CCDC66: variants seen among roughly 807,000 people sequenced by gnomAD.
The protein encoded by CCDC66 is coiled-coil domain containing 66.
A neutral mutation model predicts 128.3 loss-of-function variants in CCDC66; 133 were observed. The observed-to-expected ratio is 1.04, with a 90% CI of 0.90 to 1.20. The LOEUF (loss-of-function observed/expected upper bound fraction) is 1.20, where lower values mean the gene tolerates loss of function less well. CCDC66 is among the 50% of genes most tolerant of loss of function. The pLI is 0.00. For missense variants in CCDC66, 1,126 were observed against 1,075.5 expected (o/e 1.05, Z -0.66); for synonymous variants, 387 against 357.0 (o/e 1.08, Z -0.95).
At chr3:56,599,551 C>T (rs1397573331) in intron 10 of CCDC66, among the ~76,000 whole-genome samples, 2 of 151,996 alleles carry the variant, frequency 1.3e-5, no homozygotes, top group Non-Finnish European at 2.9e-5. Flanking sequence ...CCTCTTAGCA[C>T]TGCTTTTGCT....
intron 9 of CCDC66, 80 bp from the exon 10 acceptor site, chr3:56,593,864 T>C: frequency 6.3e-7 from 1 of 1,587,318 alleles, no homozygotes; most frequent in Non-Finnish European, 8.6e-7. Flanking sequence ...AATTAGTAGA[T>C]TTATCCCAAA....
intron 7 of CCDC66, 53 bp downstream of exon 7, chr3:56,571,355 G>T: frequency 8.6e-7 from 1 of 1,163,726 alleles, no homozygotes; most frequent in Non-Finnish European, 1.2e-6. Context: ...TCATATTATA[G>T]AATTTATTTT....
At chr3:56,560,915 A>G in intron 3 of CCDC66, 1 of 456,660 alleles carries the variant, frequency 2.2e-6, no homozygotes, top group South Asian at 1.5e-5. Context: ...ATGATGTACC[A>G]CTTTATCCTT....
chr3:56,582,849 T>TTTATTATTTTTATTA (rs2068656616), intron 7 of CCDC66, among the ~76,000 whole-genome samples: 1 of 134,888 alleles, frequency 7.4e-6, no homozygotes, highest in African/African-American at 2.7e-5. Flanking sequence ...CTCAACTTTC[T>TTTATTATTTTTATTA]TTATTATTAT....
At chr3:56,588,497 T>G (rs959129360) in intron 7 of CCDC66, among the ~76,000 whole-genome samples, 2 of 152,198 alleles carry the variant, frequency 1.3e-5, no homozygotes, top group African/African-American at 4.8e-5. Flanking sequence ...ACCCATTACT[T>G]TCAATGGCAA....
At chr3:56,612,013 C>T (rs535345482) in intron 10 of CCDC66, among the ~76,000 whole-genome samples, 1 of 152,192 alleles carries the variant, frequency 6.6e-6, no homozygotes, top group African/African-American at 2.4e-5. Context: ...TGCAGTTGAT[C>T]TATAGCTAAA....
chr3:56,616,037 T>C lies in CCDC66; in HGVS notation c.1827T>C (p.Asp609=), dbSNP rs141986703. 3.3e-4 allele frequency: 526 copies of C among 1,591,034 alleles called. No homozygotes were observed. The highest frequency in any genetic ancestry group is 8.4e-4 in the Middle Eastern group (5 of 5,970). The change falls in exon 13 of 18, where the codon GAT becomes GAC. Residue 609 remains aspartate (D), a synonymous_variant. Transcript: ENST00000394672. ...TGAATTCTACGACTTCTAAGAAGGATACTGGTGTGCAAACAGGTATTTGTG... is the reference window on the plus strand; with the variant it reads ...TGAATTCTACGACTTCTAAGAAGGACACTGGTGTGCAAACAGGTATTTGTG... ...TYMNSTTSKK[D]TGVQTDDLNI... is the part of the protein sequence containing the mutation.
At chr3:56,606,335 T>A (rs2074064897) in intron 10 of CCDC66, among the ~76,000 whole-genome samples, 1 of 151,946 alleles carries the variant, frequency 6.6e-6, no homozygotes, top group Non-Finnish European at 1.5e-5. Context: ...GAAAAAAAAC[T>A]CCTACAGTTA....
At chr3:56,618,404 C>T in intron 15 of CCDC66, 192 bp downstream of exon 15, 1 of 533,794 alleles carries the variant, frequency 1.9e-6, no homozygotes, top group South Asian at 3.0e-5. Flanking sequence ...CCAAGTTGGA[C>T]TGGGCCTAGG....
In CCDC66 at chr3:56,606,024, G is replaced by A. The variant is rs185440926; in HGVS notation, c.1405-7565G>A. On this transcript the variant is annotated intron_variant, in intron 10 of 17. Transcript: ENST00000394672. Reference sequence around the variant, plus strand: ...GGCCACAGCAGCCTTGCTGAGCTGCGGTGGGCTCTGCCCAGTTCGATCTTC... The same window carrying A: ...GGCCACAGCAGCCTTGCTGAGCTGCAGTGGGCTCTGCCCAGTTCGATCTTC... Among the ~76,000 whole-genome samples the A allele has an allele frequency of 1.1e-3, 170 of 152,154 alleles. 3 individuals carry two copies. The highest frequency in any genetic ancestry group is 4.0e-3 in the African/African-American group (164 of 41,438).
At chr3:56,607,051 A>C (rs1220427418) in intron 10 of CCDC66, among the ~76,000 whole-genome samples, 1 of 152,082 alleles carries the variant, frequency 6.6e-6, no homozygotes, top group Non-Finnish European at 1.5e-5. Flanking sequence ...GCGGCCTTAT[A>C]GTATAGTTTG....
chr3:56,580,274 C>T (rs2106643278), intron 7 of CCDC66, among the ~76,000 whole-genome samples: 1 of 151,896 alleles, frequency 6.6e-6, no homozygotes, highest in African/African-American at 2.4e-5. Context: ...AGATCTTCCT[C>T]CATCCCTTTA....
chr3:56,588,787 T>A (rs2070311255), intron 7 of CCDC66, among the ~76,000 whole-genome samples: 1 of 152,216 alleles, frequency 6.6e-6, no homozygotes. Context: ...AGTATACTTC[T>A]GACTGAAAGA....
In CCDC66 at chr3:56,619,982, T is replaced by C. The variant is rs909245177; in HGVS notation, c.2760+81T>C. ...GGGGAACCTGTTGAACGGTTTGTTT[T>C]AAGTTACTTCGGTGCATCCCAGGAT... On this transcript the variant is annotated intron_variant, in intron 17 of 17. Coordinates refer to ENST00000394672, the MANE Select transcript of CCDC66 (RefSeq NM_001141947.3). 1.6e-5 allele frequency: 23 copies of C among 1,460,420 alleles called. No homozygotes were observed. The South Asian group carries it at 3.1e-4, about 20-fold the overall frequency. The allele number at this position is 1,460,420 out of a possible 1,614,324, so 90.5% of individuals were successfully genotyped here. A position where few individuals can be genotyped will look rare whatever the true frequency, so the allele number is the denominator to read the frequency against.
intron 3 of CCDC66, chr3:56,561,518 A>G (rs758474763): frequency 2.5e-5 from 7 of 283,046 alleles, no homozygotes; most frequent in Non-Finnish European, 4.8e-5. Flanking sequence ...GTTGAGCCTA[A>G]ATTGTTTACT....
intron 10 of CCDC66, among the ~76,000 whole-genome samples, chr3:56,604,171 T>G (rs1176584410): frequency 6.6e-6 from 1 of 152,120 alleles, no homozygotes; most frequent in East Asian, 1.9e-4. Flanking sequence ...TATGTGTGTC[T>G]CTGCGTGTGA....
Position 56,617,618 on chromosome 3 carries a change from C to G in CCDC66, c.2337+13C>G. The G allele has an allele frequency of 6.3e-7, 1 of 1,579,436 alleles. No homozygotes were observed. Among genetic ancestry groups the G allele is most frequent in the South Asian group, 1.2e-5 (1 of 84,286 alleles). ...TCTAGTCAAAAAGGTAAAGCTCTTC[C>G]ATCTTAGATGATGTGTTGACGTTTC... On this transcript the variant is annotated intron_variant, in intron 14 of 17. Transcript: ENST00000394672.
rs1031319230 is a variant in CCDC66 at position 56,571,423 on chromosome 3, C to G, written c.936+121C>G. 6 of 648,742 alleles carry G rather than the reference C, an allele frequency of 9.2e-6. No individual in the cohort carries two copies. The African/African-American group carries it at 1.2e-4, about 13-fold the overall frequency. The allele number at this position is 648,742 out of a possible 1,614,324, so 40.2% of individuals were successfully genotyped here. A position where few individuals can be genotyped will look rare whatever the true frequency, so the allele number is the denominator to read the frequency against. On this transcript the variant is annotated intron_variant, in intron 7 of 17. Transcript: ENST00000394672. ...TGAGACGGAGTTTCTCTCTTGTTGC[C>G]CAGGCTGGAATGCAGTGGCACAGTC...
chr3:56,606,726 G>C (rs62256019), intron 10 of CCDC66, among the ~76,000 whole-genome samples: 6,600 of 151,206 alleles, frequency 0.044, 161 homozygotes, highest in East Asian at 0.091. Context: ...CTTCCTATTC[G>C]GCCATCTTGC....
Sources: gnomAD v4.1 joint callset for allele counts (sites outside exome capture counted in the v4.1 genomes callset) on GRCh38, gnomAD v4.1.1 for gene constraint, MANE v1.5 for transcripts, NCBI Gene and HGNC (gene_info 2026-07-23, HGNC 2026-07-21) for gene names.